RP1: variants seen among roughly 807,000 people sequenced by gnomAD.
RP1 encodes oxygen-regulated protein 1.
Under a neutral mutation model 14.8 loss-of-function variants are expected in RP1, and 16 were observed. That is an observed-to-expected ratio of 1.08 (90% confidence interval 0.73 to 1.65). The LOEUF (loss-of-function observed/expected upper bound fraction) is 1.65, where lower values mean the gene tolerates loss of function less well. Ranked by LOEUF, RP1 falls within the 40% of genes most tolerant of loss-of-function variation. The probability of loss-of-function intolerance (pLI) is 0.00; values close to 1 mark genes in which losing one functional copy is unlikely to be tolerated. For missense variants in RP1, 2,631 were observed against 2,535.0 expected (o/e 1.04, Z -0.81); for synonymous variants, 876 against 883.6 (o/e 0.99, Z 0.15).
At chr8:54,580,104 A>T (rs151269029) in intron 1 of RP1, among the ~76,000 whole-genome samples, 494 of 151,936 alleles carry the variant, frequency 3.3e-3, no homozygotes, top group African/African-American at 0.011. Flanking sequence ...CACACATTCA[A>T]CCGGCTTGAA....
rs375132535 is a variant in RP1 at position 54,594,995 on chromosome 8, C to G, written c.-12-25960C>G. 5.9e-5 allele frequency among the ~76,000 whole-genome samples: 9 copies of G among 152,066 alleles called. No individual in the cohort carries two copies. The East Asian group carries it at 1.7e-3, about 29-fold the overall frequency. On this transcript the variant is annotated intron_variant, in intron 1 of 22. Coordinates refer to the RP1 transcript ENST00000636932. The stretch of plus-strand genomic sequence containing the variant: ...ATCTCAAGTCAGTTTAAAATAATTT[C>G]AAGGTATTTTTCTTACTCAAAAATC...
chr8:54,852,760 C>T (rs191656490), intron 26 of RP1: 39 of 1,227,412 alleles, frequency 3.2e-5, no homozygotes, highest in East Asian at 3.2e-4. Flanking sequence ...CAGTTTTTAC[C>T]GACTATCGTT....
rs753932338 is a variant in RP1, at chr8:54,673,852, T to C, written c.1326T>C (p.Thr442=). Residue 442 remains threonine (T), a splice_region_variant and synonymous_variant, in exon 8 of 23, where the codon ACT becomes ACC. Coordinates refer to the RP1 transcript ENST00000636932. ...TTATACTTTTTGATTCGTTATAGAC[T>C]GACACCTTTTTCCTGGAGGCTGTGC... 3 of 1,535,526 alleles carry C rather than the reference T, an allele frequency of 2.0e-6. No individual in the cohort carries two copies. In the South Asian group the frequency reaches 3.6e-5, roughly 18 times the overall value.
At chr8:54,640,494 T>C (rs1806433649) in intron 3 of RP1, among the ~76,000 whole-genome samples, 1 of 152,142 alleles carries the variant, frequency 6.6e-6, no homozygotes, top group South Asian at 2.1e-4. Context: ...AGCTGGAGAG[T>C]AAAGCTTTGA....
chr8:54,723,772 A>G (rs1808588779), intron 16 of RP1, among the ~76,000 whole-genome samples: 1 of 152,230 alleles, frequency 6.6e-6, no homozygotes, highest in African/African-American at 2.4e-5. Flanking sequence ...AGATCAATAT[A>G]ACATGTAACT....
chr8:54,629,736 T>C lies in RP1; in HGVS notation c.5854T>C (p.Trp1952Arg). 1.9e-6 allele frequency: 3 copies of C among 1,611,554 alleles called. No homozygotes were observed. Among genetic ancestry groups the C allele is most frequent in the Non-Finnish European group, 2.5e-6 (3 of 1,178,762 alleles). Residue 1952 changes from tryptophan to arginine, a missense_variant, in exon 4 of 4, where the codon TGG (tryptophan) becomes CGG (arginine). Physicochemically the swap from Trp to Arg is moderately radical, Grantham distance 101. Coordinates refer to ENST00000220676, the MANE Select transcript of RP1 (RefSeq NM_006269.2). ...TGAAAATTTCTTGGGTTTTTATTTA[T>C]GGATGAAAATACACCCATATTTACT... ...DIENFLGFYL[W>R]MKIHPYLLQT...
intron 1 of RP1, among the ~76,000 whole-genome samples, chr8:54,587,158 T>C (rs1804949595): frequency 6.6e-6 from 1 of 152,210 alleles, no homozygotes; most frequent in Non-Finnish European, 1.5e-5. Context: ...ACTTGAATTC[T>C]TATGCAGCAG....
At chr8:54,590,375 A>G (rs1173156811) in intron 1 of RP1, among the ~76,000 whole-genome samples, 1 of 151,664 alleles carries the variant, frequency 6.6e-6, no homozygotes, top group Admixed American at 6.6e-5. Context: ...GTCTTCTACC[A>G]CTCCACTACT....
At chr8:54,595,340 A>T (rs1434232270) in intron 1 of RP1, among the ~76,000 whole-genome samples, 1 of 152,118 alleles carries the variant, frequency 6.6e-6, no homozygotes, top group African/African-American at 2.4e-5. Context: ...TCTGTTAGCC[A>T]GGATGGTCTT....
At chr8:54,746,284 A>C (rs938876654) in intron 19 of RP1, among the ~76,000 whole-genome samples, 3 of 152,196 alleles carry the variant, frequency 2.0e-5, no homozygotes, top group Non-Finnish European at 4.4e-5. Context: ...AGCAGGGAAC[A>C]CCTGCCCATT....
At chr8:54,641,275 C>T (rs1806449729) in intron 3 of RP1, among the ~76,000 whole-genome samples, 1 of 152,086 alleles carries the variant, frequency 6.6e-6, no homozygotes, top group Non-Finnish European at 1.5e-5. Context: ...CATTGTAATC[C>T]AGTGGCTACA....
chr8:54,734,307 A>C (rs1808861178), intron 17 of RP1, among the ~76,000 whole-genome samples: 1 of 152,100 alleles, frequency 6.6e-6, no homozygotes, highest in Non-Finnish European at 1.5e-5. Flanking sequence ...ATTGCCATGT[A>C]GGTCAGATGT....
chr8:54,578,592 T>C (rs950075813), intron 1 of RP1, among the ~76,000 whole-genome samples: 1 of 152,338 alleles, frequency 6.6e-6, no homozygotes, highest in Middle Eastern at 3.4e-3. Flanking sequence ...TTCATTTCTT[T>C]TGCCTCTGAA....
chr8:54,663,827 T>C, exon 7 of RP1: 1 of 1,527,876 alleles, frequency 6.5e-7, no homozygotes, highest in Non-Finnish European at 8.7e-7. Context: ...ATCGAAGAGC[T>C]CCTTCAATTT....
chr8:54,637,973 C>A (rs886340674), intron 3 of RP1, among the ~76,000 whole-genome samples: 2 of 152,148 alleles, frequency 1.3e-5, no homozygotes, highest in Non-Finnish European at 2.9e-5. Context: ...CTCTACCCAG[C>A]TCCCTCCTCA....
At chr8:54,606,186 G>T (rs992366653) in intron 1 of RP1, among the ~76,000 whole-genome samples, 5 of 152,146 alleles carry the variant, frequency 3.3e-5, no homozygotes, top group Non-Finnish European at 7.3e-5. Flanking sequence ...GGTACCGGTT[G>T]TTCCTTTGCA....
intron 19 of RP1, among the ~76,000 whole-genome samples, chr8:54,753,865 G>A (rs754773676): frequency 4.6e-5 from 7 of 152,230 alleles, no homozygotes; most frequent in Admixed American, 1.3e-4. Flanking sequence ...CAGCAAGCTC[G>A]AAGAATAAGC....
At chr8:54,645,578 T>C (rs1246354628) in intron 3 of RP1, among the ~76,000 whole-genome samples, 2 of 152,182 alleles carry the variant, frequency 1.3e-5, no homozygotes, top group African/African-American at 4.8e-5. Context: ...AACTTGAAGA[T>C]TATAGTTGAT....
intron 10 of RP1, chr8:54,679,537 T>C: frequency 6.5e-7 from 1 of 1,535,766 alleles, no homozygotes; most frequent in Non-Finnish European, 8.7e-7. Context: ...AACTCTTTTA[T>C]GATGACTGGA....
Sources: gnomAD v4.1 joint callset for allele counts (sites outside exome capture counted in the v4.1 genomes callset) on GRCh38, gnomAD v4.1.1 for gene constraint, MANE v1.5 for transcripts, NCBI Gene and HGNC (gene_info 2026-07-23, HGNC 2026-07-21) for gene names.